FRMPD4: variants seen among roughly 807,000 people sequenced by gnomAD.
FRMPD4 encodes FERM and PDZ domain-containing protein 4.
In FRMPD4, 22 loss-of-function variants were observed where a neutral mutation model predicts 94.1. The ratio of observed to expected loss-of-function variants is 0.23; its 90% confidence interval spans 0.17 to 0.33. The LOEUF (loss-of-function observed/expected upper bound fraction) is 0.33, where lower values mean the gene tolerates loss of function less well. FRMPD4 is among the 10% of genes least tolerant of loss of function. The pLI, the probability that FRMPD4 is intolerant of heterozygous loss-of-function variation, is 1.00. For synonymous variants in FRMPD4, 631 were observed against 548.6 expected (o/e 1.15, Z -2.10); for missense variants, 1,111 against 1,339.9 (o/e 0.83, Z 2.67).
At chrX:12,458,661 T>C (rs1485939419) in intron 1 of FRMPD4, among the ~76,000 whole-genome samples, 1 of 111,598 alleles carries the variant, frequency 9.0e-6, no homozygotes, top group Non-Finnish European at 1.9e-5. Context: ...TCCAAGACTC[T>C]TGAGGTCTAG....
chrX:11,947,595 A>G (rs1026606253), intron 3 of FRMPD4, among the ~76,000 whole-genome samples: 1 of 112,024 alleles, frequency 8.9e-6, no homozygotes, highest in Non-Finnish European at 1.9e-5. Flanking sequence ...CTACTTCACA[A>G]TTTGCCTTGT....
intron 1 of FRMPD4, among the ~76,000 whole-genome samples, chrX:12,445,809 T>C (rs777897449): frequency 2.7e-5 from 3 of 112,780 alleles, no homozygotes; most frequent in Non-Finnish European, 5.6e-5. Context: ...GTTTCATGGC[T>C]GACATGGCAT....
At chrX:12,265,579 T>C (rs2054259540) in intron 1 of FRMPD4, among the ~76,000 whole-genome samples, 1 of 112,102 alleles carries the variant, frequency 8.9e-6, no homozygotes, top group Non-Finnish European at 1.9e-5. Context: ...GCTTTACTTT[T>C]CTGAATTCCC....
chrX:11,865,118 G>A (rs936810846), exon 2 of FRMPD4, among the ~76,000 whole-genome samples: 2 of 111,828 alleles, frequency 1.8e-5, no homozygotes, highest in Non-Finnish European at 3.8e-5. Flanking sequence ...GAAAAAATAA[G>A]TTGATTTAGT....
intron 3 of FRMPD4, among the ~76,000 whole-genome samples, chrX:11,906,065 T>C (rs1007642378): frequency 9.9e-5 from 11 of 111,281 alleles, no homozygotes; most frequent in African/African-American, 2.9e-4. Context: ...TTCTATCACA[T>C]AGTCTTGCCT....
chrX:12,043,835 G>A lies in FRMPD4; in HGVS notation c.95+165817G>A, dbSNP rs191522915. On this transcript the variant is annotated intron_variant, in intron 3 of 18. Transcript: ENST00000640291. The stretch of plus-strand genomic sequence containing the variant: ...TTAGCAAAATTATTTTTTTTTCACT[G>A]CATGTTATTCTCTAGCATTTTGAAA... Among the ~76,000 whole-genome samples, 4 of 110,374 alleles carry A rather than the reference G, an allele frequency of 3.6e-5. No homozygotes were observed. In the East Asian group the frequency reaches 8.4e-4, roughly 23 times the overall value.
intron 3 of FRMPD4, among the ~76,000 whole-genome samples, chrX:11,907,509 G>T (rs2053974316): frequency 1.8e-5 from 2 of 112,016 alleles, no homozygotes; most frequent in South Asian, 3.7e-4. Flanking sequence ...TTGCAAGCAT[G>T]GTTGGGTTCT....
intron 1 of FRMPD4, among the ~76,000 whole-genome samples, chrX:12,411,843 G>A (rs2056735915): frequency 1.8e-5 from 2 of 111,421 alleles, no homozygotes; most frequent in South Asian, 7.7e-4. Flanking sequence ...AGAAATGAAG[G>A]AAGTCAAAAA....
rs982493792 is a variant in FRMPD4 at position 11,874,009 on chromosome X, G to A, written c.-29-3886G>A. 3.0e-4 allele frequency among the ~76,000 whole-genome samples: 33 copies of A among 111,352 alleles called. No homozygotes were observed. The Admixed American group carries it at 3.1e-3, about 11-fold the overall frequency. On this transcript the variant is annotated intron_variant, in intron 2 of 18. Coordinates refer to the FRMPD4 transcript ENST00000640291. ...TGCAGTGAGCCGAGATCGCACCACT[G>A]CACTCCAGCCTGGGGAACAAGGTGA... is the stretch of plus-strand genomic sequence containing the variant.
At chrX:12,228,995 T>G (rs1167269591) in intron 1 of FRMPD4, among the ~76,000 whole-genome samples, 2 of 112,276 alleles carry the variant, frequency 1.8e-5, no homozygotes, top group African/African-American at 6.5e-5. Flanking sequence ...GGAAGATAAA[T>G]TAGTTTTTTA....
chrX:12,511,448 C>CG (rs1348094442), intron 2 of FRMPD4, among the ~76,000 whole-genome samples: 1 of 110,147 alleles, frequency 9.1e-6, no homozygotes, highest in Non-Finnish European at 1.9e-5. Context: ...GAGACACAAA[C>CG]TATAAAGAAG....
chrX:11,852,991 C>G (rs1412177924), intron 1 of FRMPD4, among the ~76,000 whole-genome samples: 2 of 112,164 alleles, frequency 1.8e-5, no homozygotes, highest in Non-Finnish European at 3.8e-5. Context: ...TAAAATTGAT[C>G]ACATAATCAG....
At chrX:12,546,699 T>C (rs989998088) in intron 2 of FRMPD4, among the ~76,000 whole-genome samples, 1 of 111,654 alleles carries the variant, frequency 9.0e-6, no homozygotes, top group East Asian at 2.8e-4. Flanking sequence ...GGGATATTTT[T>C]TCCCCAGTAG....
At chrX:11,959,666 G>C (rs1016395409) in intron 3 of FRMPD4, among the ~76,000 whole-genome samples, 1 of 110,805 alleles carries the variant, frequency 9.0e-6, no homozygotes, top group Non-Finnish European at 1.9e-5. Flanking sequence ...ATCAGTGGTG[G>C]AGTCTTTTGA....
chrX:11,884,079 G>A (rs776033116), intron 3 of FRMPD4, among the ~76,000 whole-genome samples: 2 of 111,435 alleles, frequency 1.8e-5, no homozygotes, highest in Admixed American at 1.9e-4. Context: ...GTGGGATGAG[G>A]TAGGGTACAG....
intron 1 of FRMPD4, among the ~76,000 whole-genome samples, chrX:12,237,556 C>A (rs192614363): frequency 4.5e-5 from 5 of 112,271 alleles, no homozygotes; most frequent in Middle Eastern, 4.6e-3. Context: ...TTGACTACAC[C>A]TTCAGAAAGA....
chrX:12,332,002 A>G (rs56844341), intron 1 of FRMPD4, among the ~76,000 whole-genome samples: 1 of 60,719 alleles, frequency 1.6e-5, no homozygotes, highest in Non-Finnish European at 2.7e-5. Context: ...TAAATTATAT[A>G]TATTTATATA....
At chrX:12,204,441 G>A (rs189785447) in intron 1 of FRMPD4, among the ~76,000 whole-genome samples, 2 of 111,656 alleles carry the variant, frequency 1.8e-5, no homozygotes, top group East Asian at 2.8e-4. Flanking sequence ...TAACTTCTTC[G>A]CTGTCCTCTG....
At chrX:12,435,527 A>C (rs746956622) in intron 1 of FRMPD4, among the ~76,000 whole-genome samples, 1 of 106,677 alleles carries the variant, frequency 9.4e-6, no homozygotes, top group Non-Finnish European at 1.9e-5. Context: ...TTAATGACTT[A>C]AGAGGTTTCC....
Sources: gnomAD v4.1 joint callset for allele counts (sites outside exome capture counted in the v4.1 genomes callset) on GRCh38, gnomAD v4.1.1 for gene constraint, MANE v1.5 for transcripts, NCBI Gene and HGNC (gene_info 2026-07-23, HGNC 2026-07-21) for gene names.